Variants in PRAMEF12 observed in about 807,000 individuals in gnomAD.
The protein encoded by PRAMEF12 is PRAME family member 12.
A neutral mutation model predicts 24.6 loss-of-function variants in PRAMEF12; 24 were observed. The observed-to-expected ratio is 0.98, with a 90% CI of 0.71 to 1.37. PRAMEF12 has a LOEUF of 1.37. Among genes scored for constraint, PRAMEF12 ranks in the 40% most tolerant of loss-of-function variants. The pLI, the probability that PRAMEF12 is intolerant of heterozygous loss-of-function variation, is 0.00. For missense variants in PRAMEF12, 646 were observed against 580.3 expected (o/e 1.11, Z -1.16); for synonymous variants, 286 against 242.6 (o/e 1.18, Z -1.66).
intron 2 of PRAMEF12, among the ~76,000 whole-genome samples, chr1:12,776,350 T>C (rs1639051880): frequency 6.6e-6 from 1 of 152,122 alleles, no homozygotes; most frequent in African/African-American, 2.4e-5. Flanking sequence ...GAGGCTGCCA[T>C]GCTAGGAAGG....
At chr1:12,776,895 C>T (rs1639058347) in intron 2 of PRAMEF12, 116 bp from the exon 3 acceptor site, 1 of 1,098,364 alleles carries the variant, frequency 9.1e-7, no homozygotes, top group Non-Finnish European at 1.3e-6. Flanking sequence ...ATTCCCACAC[C>T]CCAGGTGCTG....
chr1:12,776,030 AC>A lies in PRAMEF12; in HGVS notation c.777del (p.Ser260LeufsTer39). On this transcript the variant is annotated frameshift_variant, in exon 2 of 3. Transcript: ENST00000357726. LOFTEE classifies it high-confidence loss of function. Reference sequence around the variant, plus strand: ...GAAGGAGCAGTTTGTCATCCAGTTCACCTCTCAGTTCCTCAAGCTGGACTAC... The same window carrying A: ...GAAGGAGCAGTTTGTCATCCAGTTCACTCTCAGTTCCTCAAGCTGGACTAC... ...DRKEQFVIQF[T>X]SQFLKLDYFQ... 1 of 1,613,988 alleles carries A rather than the reference AC, an allele frequency of 6.2e-7. No homozygotes were observed. Among genetic ancestry groups the A allele is most frequent in the Non-Finnish European group, 8.5e-7 (1 of 1,179,998 alleles).
chr1:12,774,851 T>C lies in PRAMEF12; in HGVS notation c.-17T>C. Reference sequence around the variant, plus strand: ...ATTTGCCGTAAGAATGATGTTTTTTTCTCTAGATTCATCAGGATGAGCCTC... The same window carrying C: ...ATTTGCCGTAAGAATGATGTTTTTTCCTCTAGATTCATCAGGATGAGCCTC... On this transcript the variant is annotated 5_prime_UTR_variant, in exon 1 of 3. Transcript: ENST00000357726. The C allele has an allele frequency of 6.4e-7, 1 of 1,567,260 alleles. No individual in the cohort carries two copies. The highest frequency in any genetic ancestry group is 8.6e-7 in the Non-Finnish European group (1 of 1,159,524).
rs1023925587 is a variant in PRAMEF12 at position 12,777,105 on chromosome 1, C to T, written c.958C>T (p.Gln320Ter). 2 of 1,613,962 alleles carry T rather than the reference C, an allele frequency of 1.2e-6. No individual in the cohort carries two copies. Among genetic ancestry groups the T allele is most frequent in the Middle Eastern group, 1.7e-4 (1 of 6,050 alleles). ...KHLSWCPSIRQLKELDLRGIT... is the reference protein window; with the variant it reads ...KHLSWCPSIR ...TCTCTCTTGGTGCCCGAGCATCCGTCAGCTAAAAGAGCTAGACCTGAGGGG... is the reference window on the plus strand; with the variant it reads ...TCTCTCTTGGTGCCCGAGCATCCGTTAGCTAAAAGAGCTAGACCTGAGGGG... The change falls in exon 3 of 3, where the codon CAG becomes TAG. Residue 320 changes from glutamine (Q) to a stop codon, truncating the protein, a stop_gained. Transcript: ENST00000357726. LOFTEE classifies it low-confidence loss of function (END_TRUNC).
rs766485558 is a variant in PRAMEF12, at chr1:12,775,746, ACTT to A, written c.495_497del (p.Phe165del). On this transcript the variant is annotated inframe_deletion, in exon 2 of 3. Coordinates refer to ENST00000357726, the MANE Select transcript of PRAMEF12 (RefSeq NM_001080830.5). ...GGGACGCTGGATGAATGCCTCACCC[ACTT>A]CTTAGAGTGGGGCAAGCAGAGAAAA... 6.2e-7 allele frequency: 1 copy of A among 1,613,556 alleles called. No individual in the cohort carries two copies. The highest frequency in any genetic ancestry group is 1.3e-5 in the African/African-American group (1 of 74,716).
Position 12,777,316 on chromosome 1 carries a change from T to C in PRAMEF12, c.1169T>C (p.Met390Thr), listed in dbSNP as rs146487042. ...TFSFCGNLIS[M>T]AALENLLRHT... ...AGCTTCTGTGGGAACCTCATCTCCA[T>C]GGCCGCCCTGGAGAACCTGCTGCGC... is the stretch of plus-strand genomic sequence containing the variant. Residue 390 changes from methionine (M) to threonine (T), a missense_variant, in exon 3 of 3, where the codon ATG becomes ACG. Coordinates refer to ENST00000357726, the MANE Select transcript of PRAMEF12 (RefSeq NM_001080830.5). The C allele has an allele frequency of 8.3e-4, 1,343 of 1,612,974 alleles. 10 individuals carry two copies. In the African/African-American group the frequency reaches 0.014, roughly 17 times the overall value.
At position 12,775,532 on chromosome 1, in the gene PRAMEF12, T is replaced by C; in HGVS notation, c.288-11T>C. ...CCTAAATTTGGAGCCTCTCTTCTCTTTTACCCACAGGCGGTGGAAACTTCA... is the reference window on the plus strand; with the variant it reads ...CCTAAATTTGGAGCCTCTCTTCTCTCTTACCCACAGGCGGTGGAAACTTCA... On this transcript the variant is annotated splice_polypyrimidine_tract_variant and intron_variant, in intron 1 of 2. Coordinates refer to ENST00000357726, the MANE Select transcript of PRAMEF12 (RefSeq NM_001080830.5). The C allele has an allele frequency of 6.3e-7, 1 of 1,599,248 alleles. No individual in the cohort carries two copies. Among genetic ancestry groups the C allele is most frequent in the African/African-American group, 1.3e-5 (1 of 74,248 alleles).
rs1179696603 is a variant in PRAMEF12, at chr1:12,777,530, C to T, written c.1383C>T (p.Ile461=). The T allele has an allele frequency of 2.5e-6, 4 of 1,614,112 alleles. No individual in the cohort carries two copies. In the South Asian group the frequency reaches 4.4e-5, roughly 18 times the overall value. Residue 461 remains isoleucine, a synonymous_variant, in exon 3 of 3, where the codon ATC becomes ATT. Transcript: ENST00000357726. ...FSTVPCPRCG[I]RASYDLEPSH... ...CTGTCCCCTGCCCTCGCTGTGGCAT[C>T]AGGGCCTCCTATGACCTGGAGCCCA...
intron 2 of PRAMEF12, 56 bp from the exon 3 acceptor site, chr1:12,776,955 C>G: frequency 1.3e-6 from 2 of 1,531,748 alleles, no homozygotes; most frequent in Non-Finnish European, 1.8e-6. Context: ...AGTGTCATCT[C>G]TCACCTTGAG....
rs1420088703 is a variant in PRAMEF12 at position 12,773,987 on chromosome 1, A to G, written c.-881A>G. 2.0e-5 allele frequency among the ~76,000 whole-genome samples: 3 copies of G among 152,112 alleles called. No individual in the cohort carries two copies. The highest frequency in any genetic ancestry group is 7.2e-5 in the African/African-American group (3 of 41,416). ...AATGTAGTTTTGTCTTCATCCCCCA[A>G]AATTGGATTTGTGCTTGGTTTTTGT... On this transcript the variant is annotated 5_prime_UTR_variant, in exon 1 of 3. Transcript: ENST00000357726.
chr1:12,774,852 CT>C lies in PRAMEF12; in HGVS notation c.-15del, dbSNP rs1639023275. The C allele has an allele frequency of 6.4e-7, 1 of 1,566,072 alleles. No homozygotes were observed. Among genetic ancestry groups the C allele is most frequent in the African/African-American group, 1.4e-5 (1 of 72,670 alleles). ...TTTGCCGTAAGAATGATGTTTTTTT[CT>C]CTAGATTCATCAGGATGAGCCTCCA... On this transcript the variant is annotated 5_prime_UTR_variant, in exon 1 of 3. An upstream open reading frame in the 5' UTR gains an earlier in-frame stop. Coordinates refer to ENST00000357726, the MANE Select transcript of PRAMEF12 (RefSeq NM_001080830.5).
rs778737306 is a variant in PRAMEF12 at position 12,775,534 on chromosome 1, T to C, written c.288-9T>C. The C allele has an allele frequency of 4.4e-6, 7 of 1,599,830 alleles. No homozygotes were observed. In the Admixed American group the frequency reaches 1.0e-4, roughly 24 times the overall value. The stretch of plus-strand genomic sequence containing the variant: ...TAAATTTGGAGCCTCTCTTCTCTTT[T>C]ACCCACAGGCGGTGGAAACTTCAAG... On this transcript the variant is annotated splice_polypyrimidine_tract_variant and intron_variant, in intron 1 of 2. Coordinates refer to ENST00000357726, the MANE Select transcript of PRAMEF12 (RefSeq NM_001080830.5).
At position 12,777,370 on chromosome 1, in the gene PRAMEF12, T is replaced by C; in HGVS notation, c.1223T>C (p.Leu408Pro). The stretch of plus-strand genomic sequence containing the variant: ...ACCGTCGGGCTGAGCAAGCTAAGCC[T>C]GGAGCTGTATCCTGCCCCTCTGGAG... ...RHTVGLSKLS[L>P]ELYPAPLESY... Residue 408 changes from leucine to proline, a missense_variant, in exon 3 of 3, where the codon CTG becomes CCG. Coordinates refer to ENST00000357726, the MANE Select transcript of PRAMEF12 (RefSeq NM_001080830.5). 1 of 1,613,828 alleles carries C rather than the reference T, an allele frequency of 6.2e-7. No individual in the cohort carries two copies. Among genetic ancestry groups the C allele is most frequent in the Non-Finnish European group, 8.5e-7 (1 of 1,179,860 alleles).
rs1639077930 is a variant in PRAMEF12, at chr1:12,777,676, A to G, written c.*77A>G. ...AAAGGGAGCACAGACCCATCGTTTC[A>G]TATGCCTGCTCAATGTGAACCGGAA... is the stretch of plus-strand genomic sequence containing the variant. On this transcript the variant is annotated 3_prime_UTR_variant, in exon 3 of 3. Transcript: ENST00000357726. The G allele has an allele frequency of 2.0e-6, 3 of 1,517,026 alleles. No homozygotes were observed. The highest frequency in any genetic ancestry group is 2.8e-5 in the African/African-American group (2 of 72,668). The allele number at this position is 1,517,026 out of a possible 1,614,324, so 94.0% of individuals were successfully genotyped here.
At position 12,777,228 on chromosome 1, in the gene PRAMEF12, G is replaced by C. The variant is rs200049428; in HGVS notation, c.1081G>C (p.Val361Leu). The change falls in exon 3 of 3, where the codon GTG (valine) becomes CTG (leucine). Residue 361 changes from valine (V) to leucine (L), a missense_variant. By Grantham distance (32) the Val-to-Leu change is conservative. Coordinates refer to ENST00000357726, the MANE Select transcript of PRAMEF12 (RefSeq NM_001080830.5). ...CCTGGACTTAGAGGACTGTGGGATCGTGGATTCCCAACTCAGCGCCATCCT... is the reference window on the plus strand; with the variant it reads ...CCTGGACTTAGAGGACTGTGGGATCCTGGATTCCCAACTCAGCGCCATCCT... ...QTLDLEDCGI[V>L]DSQLSAILPA... 2 of 1,607,216 alleles carry C rather than the reference G, an allele frequency of 1.2e-6. No homozygotes were observed. The highest frequency in any genetic ancestry group is 1.7e-6 in the Non-Finnish European group (2 of 1,176,530).
rs1639059948 is a variant in PRAMEF12 at position 12,777,019 on chromosome 1, A to G, written c.872A>G (p.Gln291Arg). 1.2e-6 allele frequency: 2 copies of G among 1,611,736 alleles called. No homozygotes were observed. The highest frequency in any genetic ancestry group is 1.7e-6 in the Non-Finnish European group (2 of 1,178,810). ...GHLDQLLRCL[Q>R]APLETVVMTE... ...TTCTTGTTCTCTCCCAGGTGTCTCCAGGCCCCCTTGGAGACAGTCGTAATG... is the reference window on the plus strand; with the variant it reads ...TTCTTGTTCTCTCCCAGGTGTCTCCGGGCCCCCTTGGAGACAGTCGTAATG... The change falls in exon 3 of 3, where the codon CAG becomes CGG. Residue 291 changes from glutamine to arginine, a missense_variant. Physicochemically the swap from Gln to Arg is conservative, Grantham distance 43. Transcript: ENST00000357726.
Position 12,776,192 on chromosome 1 carries a change from A to G in PRAMEF12, c.863+74A>G. On this transcript the variant is annotated intron_variant, in intron 2 of 2. Transcript: ENST00000357726. ...TTTATTACTGTAAACACCAGGGGGT[A>G]TCTACTGTGAGCCAGCTTGTGAGGA... 4.8e-6 allele frequency: 7 copies of G among 1,465,246 alleles called. No individual in the cohort carries two copies. In the Admixed American group the frequency reaches 1.0e-4, roughly 21 times the overall value. 90.8% of individuals were successfully genotyped at this position (1,465,246 alleles called of 1,614,324 possible). A position where few individuals can be genotyped will look rare whatever the true frequency, so the allele number is the denominator to read the frequency against.
Position 12,775,088 on chromosome 1 carries a change from A to G in PRAMEF12, c.221A>G (p.Asn74Ser), listed in dbSNP as rs747087551. 6 of 1,614,144 alleles carry G rather than the reference A, an allele frequency of 3.7e-6. No individual in the cohort carries two copies. The highest frequency in any genetic ancestry group is 4.5e-5 in the East Asian group (2 of 44,878). Reference protein sequence around the residue: ...LPLGSLMKSCNLEIFRAVLEG... With the variant: ...LPLGSLMKSCSLEIFRAVLEG... ...CTAGGGTCCCTGATGAAGTCATGTA[A>G]TCTAGAGATCTTTCGAGCTGTGCTG... Residue 74 changes from asparagine to serine, a missense_variant, in exon 1 of 3, where the codon AAT becomes AGT. Transcript: ENST00000357726.
Position 12,775,554 on chromosome 1 carries a change from T to C in PRAMEF12, c.299T>C (p.Leu100Pro). 2 of 1,609,170 alleles carry C rather than the reference T, an allele frequency of 1.2e-6. No homozygotes were observed. Among genetic ancestry groups the C allele is most frequent in the Non-Finnish European group, 1.7e-6 (2 of 1,176,888 alleles). Reference sequence around the variant, plus strand: ...TCTTTTACCCACAGGCGGTGGAAACTTCAAGTGTTGGACTTGCGGAATGTG... The same window carrying C: ...TCTTTTACCCACAGGCGGTGGAAACCTCAAGTGTTGGACTTGCGGAATGTG... ...AQKVRPRRWK[L>P]QVLDLRNVDE... The change falls in exon 2 of 3, where the codon CTT becomes CCT. Residue 100 changes from leucine (L) to proline (P), a missense_variant. Transcript: ENST00000357726.
Sources: gnomAD v4.1 joint callset for allele counts (sites outside exome capture counted in the v4.1 genomes callset) on GRCh38, gnomAD v4.1.1 for gene constraint, MANE v1.5 for transcripts, NCBI Gene and HGNC (gene_info 2026-07-23, HGNC 2026-07-21) for gene names.